CDK14: variants seen among roughly 807,000 people sequenced by gnomAD.
CDK14 encodes the protein cyclin dependent kinase 14.
Under a neutral mutation model 60.7 loss-of-function variants are expected in CDK14, and 34 were observed. That is an observed-to-expected ratio of 0.56 (90% CI 0.43 to 0.75). The LOEUF is 0.75. CDK14 is among the 30% of genes least tolerant of loss of function. CDK14 has a pLI of 0.00. For missense variants in CDK14, 482 were observed against 564.1 expected (o/e 0.85, Z 1.47); for synonymous variants, 197 against 203.7 (o/e 0.97, Z 0.28).
intron 12 of CDK14, among the ~76,000 whole-genome samples, chr7:91,109,293 A>G (rs1799407130): frequency 6.6e-6 from 1 of 152,154 alleles, no homozygotes; most frequent in Non-Finnish European, 1.5e-5. Context: ...ATGTCCATTC[A>G]ACCATATACT....
At chr7:91,166,880 G>A (rs941952800) in intron 14 of CDK14, among the ~76,000 whole-genome samples, 2 of 152,144 alleles carry the variant, frequency 1.3e-5, no homozygotes, top group African/African-American at 4.8e-5. Flanking sequence ...TCAATCACCA[G>A]TGAGGGCAAC....
intron 2 of CDK14, among the ~76,000 whole-genome samples, chr7:90,714,839 AT>A (rs1376895082): frequency 1.3e-5 from 2 of 152,106 alleles, no homozygotes; most frequent in African/African-American, 2.4e-5. Context: ...CTAATAATAC[AT>A]TTATATTTTA....
rs141682881 is a variant in CDK14, at chr7:90,914,306, T to A, written c.703-3295T>A. Among the ~76,000 whole-genome samples, 805 of 152,332 alleles carry A rather than the reference T, an allele frequency of 5.3e-3. 8 individuals are homozygous for A. Among genetic ancestry groups the A allele is most frequent in the African/African-American group, 0.018 (758 of 41,576 alleles). ...GTAACAGCCAAATCAATTCTTCTAC[T>A]TTTTAAAATTGTTGTTAGATCCACC... is the stretch of plus-strand genomic sequence containing the variant. On this transcript the variant is annotated intron_variant, in intron 7 of 14. Transcript: ENST00000380050.
chr7:90,677,173 A>G (rs1314165312), intron 2 of CDK14, among the ~76,000 whole-genome samples: 1 of 152,172 alleles, frequency 6.6e-6, no homozygotes, highest in Non-Finnish European at 1.5e-5. Context: ...GTGCTTAGAC[A>G]AATACCCACT....
chr7:90,671,554 G>T (rs1320174830), intron 2 of CDK14, among the ~76,000 whole-genome samples: 1 of 152,134 alleles, frequency 6.6e-6, no homozygotes, highest in Non-Finnish European at 1.5e-5. Flanking sequence ...CTGTGTGGCA[G>T]TCGAGATGGC....
intron 14 of CDK14, among the ~76,000 whole-genome samples, chr7:91,145,913 GC>G (rs1356357105): frequency 8.8e-6 from 1 of 113,854 alleles, no homozygotes; most frequent in Non-Finnish European, 1.8e-5. Context: ...GATTAACCTG[GC>G]TTGCTTTATT....
At chr7:91,197,983 C>T (rs1361453695) in intron 14 of CDK14, among the ~76,000 whole-genome samples, 4 of 152,162 alleles carry the variant, frequency 2.6e-5, no homozygotes, top group African/African-American at 7.2e-5. Flanking sequence ...GAAGCAGCTT[C>T]GTGTTGTGAA....
At chr7:90,855,230 A>G (rs1051892259) in intron 5 of CDK14, among the ~76,000 whole-genome samples, 1 of 152,218 alleles carries the variant, frequency 6.6e-6, no homozygotes, top group Non-Finnish European at 1.5e-5. Flanking sequence ...CAGGGTCTAC[A>G]GTGTACCAGG....
intron 4 of CDK14, among the ~76,000 whole-genome samples, chr7:90,779,701 T>C (rs1805226295): frequency 6.6e-6 from 1 of 152,224 alleles, no homozygotes; most frequent in Non-Finnish European, 1.5e-5. Context: ...CTATATTCAT[T>C]CCCTGCAATT....
intron 11 of CDK14, among the ~76,000 whole-genome samples, chr7:91,056,800 G>A (rs1441562220): frequency 2.0e-5 from 3 of 152,118 alleles, no homozygotes; most frequent in Non-Finnish European, 2.9e-5. Flanking sequence ...TCTTAATCCA[G>A]TCTATCATTG....
chr7:91,039,999 A>T (rs1165011120), intron 10 of CDK14, among the ~76,000 whole-genome samples: 5 of 152,138 alleles, frequency 3.3e-5, no homozygotes, highest in African/African-American at 9.7e-5. Context: ...AGATGGGAGG[A>T]TCACTTGAGC....
chr7:91,197,797 A>G (rs1490772472), intron 14 of CDK14, among the ~76,000 whole-genome samples: 2 of 152,254 alleles, frequency 1.3e-5, no homozygotes, highest in Non-Finnish European at 2.9e-5. Flanking sequence ...CTTGGATTCT[A>G]TAGAAATATA....
chr7:90,911,114 T>C (rs1474788851), intron 7 of CDK14, among the ~76,000 whole-genome samples: 1 of 152,190 alleles, frequency 6.6e-6, no homozygotes, highest in Non-Finnish European at 1.5e-5. Flanking sequence ...GAAATAGGGA[T>C]AGTAACATCT....
At chr7:90,709,383 T>C (rs1801977483) in intron 2 of CDK14, 1 of 1,368,322 alleles carries the variant, frequency 7.3e-7, no homozygotes, top group South Asian at 1.8e-5. Context: ...AAAATTGAAT[T>C]GAGCATGATG....
rs1562870703 is a variant in CDK14, at chr7:91,019,010, G to GAA, written c.1042-26887_1042-26886insAA. Among the ~76,000 whole-genome samples the GAA allele has an allele frequency of 3.3e-4, 51 of 152,292 alleles. No homozygotes were observed. In the East Asian group the frequency reaches 8.7e-3, roughly 26 times the overall value. On this transcript the variant is annotated intron_variant, in intron 10 of 14. Coordinates refer to ENST00000380050, the MANE Select transcript of CDK14 (RefSeq NM_001287135.2). ...CTAATACCATCACATTGGGGATTAG[G>GAA]TTTTAGCCTGTGAATTCTGGGGGGA...
intron 5 of CDK14, among the ~76,000 whole-genome samples, chr7:90,860,388 A>G (rs1453093525): frequency 2.0e-5 from 3 of 152,056 alleles, no homozygotes; most frequent in Non-Finnish European, 4.4e-5. Flanking sequence ...TAAGGAGATA[A>G]TCCAAAAGGC....
chr7:91,148,470 CG>C (rs1800724002), intron 14 of CDK14, among the ~76,000 whole-genome samples: 1 of 152,150 alleles, frequency 6.6e-6, no homozygotes, highest in Non-Finnish European at 1.5e-5. Context: ...TAAGATATGA[CG>C]GTAGCTTCCT....
chr7:91,119,643 G>C (rs775688928), intron 14 of CDK14, among the ~76,000 whole-genome samples: 46 of 152,156 alleles, frequency 3.0e-4, no homozygotes, highest in Non-Finnish European at 5.0e-4. Context: ...TGTACACATT[G>C]TCTTGTGGGT....
intron 14 of CDK14, among the ~76,000 whole-genome samples, chr7:91,118,791 T>C (rs2116378838): frequency 6.6e-6 from 1 of 152,342 alleles, no homozygotes; most frequent in Middle Eastern, 3.4e-3. Flanking sequence ...GTCTGGCTCC[T>C]GGTACGGACC....
Sources: gnomAD v4.1 joint callset for allele counts (sites outside exome capture counted in the v4.1 genomes callset) on GRCh38, gnomAD v4.1.1 for gene constraint, MANE v1.5 for transcripts, NCBI Gene and HGNC (gene_info 2026-07-23, HGNC 2026-07-21) for gene names.